The following CNTN5 variants were observed in gnomAD, a reference collection of about 807,000 sequenced individuals.
CNTN5 encodes contactin-5.
A neutral mutation model predicts 129.1 loss-of-function variants in CNTN5; 77 were observed. The ratio of observed to expected loss-of-function variants is 0.60; its 90% CI spans 0.50 to 0.72. CNTN5 has a LOEUF of 0.72. Ranked by LOEUF, CNTN5 falls within the 30% of genes least tolerant of loss-of-function variation. The probability of loss-of-function intolerance (pLI) is 0.00; values close to 1 mark genes in which losing one functional copy is unlikely to be tolerated. For synonymous variants in CNTN5, 509 were observed against 465.6 expected (o/e 1.09, Z -1.20); for missense variants, 1,478 against 1,328.8 (o/e 1.11, Z -1.75).
intron 13 of CNTN5, among the ~76,000 whole-genome samples, chr11:100,190,729 GTTT>G (rs5794041): frequency 1.5e-4 from 15 of 103,066 alleles, no homozygotes; most frequent in African/African-American, 3.6e-4. Flanking sequence ...TTTTTATGCT[GTTT>G]TTTTTTTTTA....
At chr11:99,945,966 A>C (rs1950545610) in intron 7 of CNTN5, among the ~76,000 whole-genome samples, 2 of 152,144 alleles carry the variant, frequency 1.3e-5, no homozygotes, top group Non-Finnish European at 2.9e-5. Context: ...GCATGAAAAA[A>C]AAAATCTATT....
At chr11:99,226,806 G>A (rs1252449128) in intron 1 of CNTN5, among the ~76,000 whole-genome samples, 2 of 151,884 alleles carry the variant, frequency 1.3e-5, no homozygotes, top group Admixed American at 1.3e-4. Flanking sequence ...AGATTTTTTT[G>A]TTGAATTCAA....
chr11:100,107,413 C>CAA (rs892985304), intron 13 of CNTN5, among the ~76,000 whole-genome samples: 22 of 151,024 alleles, frequency 1.5e-4, no homozygotes, highest in Admixed American at 8.6e-4. Context: ...CTAATTATGA[C>CAA]AATTCTGGCA....
intron 3 of CNTN5, among the ~76,000 whole-genome samples, chr11:99,767,234 A>T (rs980266497): frequency 1.1e-4 from 17 of 152,176 alleles, no homozygotes; most frequent in Admixed American, 6.6e-4. Flanking sequence ...AATTGTGTTA[A>T]AAAATATTGA....
At chr11:99,255,246 T>C (rs1337155128) in intron 1 of CNTN5, among the ~76,000 whole-genome samples, 2 of 151,854 alleles carry the variant, frequency 1.3e-5, no homozygotes, top group Non-Finnish European at 2.9e-5. Context: ...TTTTAAAATA[T>C]ATCCAGAAAA....
At chr11:99,679,672 G>A (rs528631777) in intron 3 of CNTN5, among the ~76,000 whole-genome samples, 88 of 152,176 alleles carry the variant, frequency 5.8e-4, no homozygotes, top group Admixed American at 9.2e-4. Context: ...TTGAAATTAG[G>A]TCAGTTAAGA....
chr11:99,231,640 G>A (rs1051792546), intron 1 of CNTN5, among the ~76,000 whole-genome samples: 1 of 152,020 alleles, frequency 6.6e-6, no homozygotes, highest in Non-Finnish European at 1.5e-5. Flanking sequence ...CTGTGCAGAA[G>A]CTCTTTAGTT....
intron 8 of CNTN5, among the ~76,000 whole-genome samples, chr11:99,989,177 C>G (rs914036865): frequency 6.6e-6 from 1 of 152,088 alleles, no homozygotes; most frequent in African/African-American, 2.4e-5. Flanking sequence ...GATTGGGGTG[C>G]AAGAGTCCCA....
chr11:99,095,801 T>G (rs1336256317), intron 1 of CNTN5, among the ~76,000 whole-genome samples: 1 of 151,814 alleles, frequency 6.6e-6, no homozygotes, highest in Non-Finnish European at 1.5e-5. Context: ...TTGTGAGCAG[T>G]CAGGAGCCAC....
At chr11:99,758,206 T>C (rs1018267383) in intron 3 of CNTN5, among the ~76,000 whole-genome samples, 5 of 152,068 alleles carry the variant, frequency 3.3e-5, no homozygotes, top group African/African-American at 1.2e-4. Context: ...ACATTGTGGT[T>C]CATACCACTT....
At chr11:99,517,534 C>T (rs1245563836) in intron 2 of CNTN5, among the ~76,000 whole-genome samples, 1 of 152,246 alleles carries the variant, frequency 6.6e-6, no homozygotes, top group Admixed American at 6.5e-5. Flanking sequence ...TTCTATTTCT[C>T]TCCTAGACTT....
chr11:99,251,555 A>C (rs188140551), intron 1 of CNTN5, among the ~76,000 whole-genome samples: 1 of 151,964 alleles, frequency 6.6e-6, no homozygotes, highest in African/African-American at 2.4e-5. Context: ...ATTTCAAGTA[A>C]AATATTTCTA....
chr11:99,717,516 A>G (rs567040906), intron 3 of CNTN5, among the ~76,000 whole-genome samples: 2 of 151,758 alleles, frequency 1.3e-5, no homozygotes, highest in Non-Finnish European at 2.9e-5. Flanking sequence ...TGGATGGGGA[A>G]GAGATGTGTT....
At chr11:99,497,426 A>T (rs532644163) in intron 2 of CNTN5, among the ~76,000 whole-genome samples, 1 of 152,282 alleles carries the variant, frequency 6.6e-6, no homozygotes, top group Non-Finnish European at 1.5e-5. Flanking sequence ...GAAGCCACAA[A>T]AAAGCTAGTA....
Position 99,358,421 on chromosome 11 carries a change from C to T in CNTN5, c.-71+32937C>T, listed in dbSNP as rs541781220. 1.7e-4 allele frequency among the ~76,000 whole-genome samples: 25 copies of T among 151,076 alleles called. No individual in the cohort carries two copies. The South Asian group carries it at 4.2e-3, about 25-fold the overall frequency. On this transcript the variant is annotated intron_variant, in intron 2 of 24. Transcript: ENST00000524871. Reference sequence around the variant, plus strand: ...TCTCTACTACAAAAAATTAGCCAGGCGTGGTGATGTGCACCTGCAGTCCCA... The same window carrying T: ...TCTCTACTACAAAAAATTAGCCAGGTGTGGTGATGTGCACCTGCAGTCCCA...
In CNTN5 at chr11:99,831,709, A is replaced by G. The variant is rs76985997; in HGVS notation, c.277+11944A>G. On this transcript the variant is annotated intron_variant, in intron 4 of 24. Transcript: ENST00000524871. ...CATCATCAGTTGTCTTATAAAATCC[A>G]CTTCTCATTGCATGTCACAATGTGA... Among the ~76,000 whole-genome samples the G allele has an allele frequency of 1.0e-3, 153 of 152,186 alleles. 4 individuals carry two copies. In the East Asian group the frequency reaches 0.025, roughly 25 times the overall value.
chr11:99,310,241 A>G (rs1218047342), intron 1 of CNTN5, among the ~76,000 whole-genome samples: 1 of 152,196 alleles, frequency 6.6e-6, no homozygotes, highest in Non-Finnish European at 1.5e-5. Flanking sequence ...ATAAGGAAAT[A>G]ATATAGTAAT....
At chr11:99,716,507 C>T (rs1016447406) in intron 3 of CNTN5, among the ~76,000 whole-genome samples, 1 of 152,024 alleles carries the variant, frequency 6.6e-6, no homozygotes, top group South Asian at 2.1e-4. Flanking sequence ...ACCTTCTTTT[C>T]ATGCTGCTCC....
intron 8 of CNTN5, among the ~76,000 whole-genome samples, chr11:99,957,930 C>T (rs1950845093): frequency 1.3e-5 from 2 of 151,208 alleles, no homozygotes. Context: ...TTTATGTAAA[C>T]AAGTCTATGA....
Sources: gnomAD v4.1 joint callset for allele counts (sites outside exome capture counted in the v4.1 genomes callset) on GRCh38, gnomAD v4.1.1 for gene constraint, MANE v1.5 for transcripts, NCBI Gene and HGNC (gene_info 2026-07-23, HGNC 2026-07-21) for gene names.